The following TOX variants were observed in gnomAD, a reference collection of about 807,000 sequenced individuals.
The protein encoded by TOX is thymocyte selection-associated high mobility group box protein TOX.
Under a neutral mutation model 53.7 loss-of-function variants are expected in TOX, and 11 were observed. That is an observed-to-expected ratio of 0.20 (90% confidence interval 0.13 to 0.34). The LOEUF (loss-of-function observed/expected upper bound fraction) is 0.34. TOX is among the 10% of genes least tolerant of loss of function. The pLI is 1.00. For missense variants in TOX, 570 were observed against 664.6 expected, an observed-to-expected ratio of 0.86 and a Z score of 1.56; for synonymous variants, 225 against 245.3, an observed-to-expected ratio of 0.92 and a Z score of 0.77.
At chr8:59,018,520 G>T (rs1251049206) in intron 1 of TOX, among the ~76,000 whole-genome samples, 1 of 152,178 alleles carries the variant, frequency 6.6e-6, no homozygotes, top group African/African-American at 2.4e-5. Flanking sequence ...GGACATGCAA[G>T]GTTAAACAAG....
At chr8:58,935,509 T>C (rs1812329523) in intron 3 of TOX, among the ~76,000 whole-genome samples, 1 of 152,166 alleles carries the variant, frequency 6.6e-6, no homozygotes. Flanking sequence ...CACAGCAAAA[T>C]CAATATTTAG....
At chr8:59,098,996 G>A (rs965088698) in intron 1 of TOX, among the ~76,000 whole-genome samples, 9 of 152,118 alleles carry the variant, frequency 5.9e-5, no homozygotes, top group African/African-American at 9.7e-5. Context: ...GTCTACTCTC[G>A]ATTAAATTTC....
At position 59,010,482 on chromosome 8, in the gene TOX, A is replaced by G. The variant is rs142091467; in HGVS notation, c.103-50474T>C. On this transcript the variant is annotated intron_variant, in intron 1 of 8. Coordinates refer to ENST00000361421, the MANE Select transcript of TOX (RefSeq NM_014729.3). ...AACGAAAATTGAAATGCAAAATGGC[A>G]AAGGTCTTATTTAGTTACCTCTCTG... 7.8e-3 allele frequency among the ~76,000 whole-genome samples: 1,190 copies of G among 152,328 alleles called. 14 individuals are homozygous for G. The highest frequency in any genetic ancestry group is 1.0e-2 in the Non-Finnish European group (678 of 68,032).
rs138510352 is a variant in TOX at position 58,921,783 on chromosome 8, T to C, written c.411+17519A>G. On this transcript the variant is annotated intron_variant, in intron 3 of 8. Coordinates refer to ENST00000361421, the MANE Select transcript of TOX (RefSeq NM_014729.3). The stretch of plus-strand genomic sequence containing the variant: ...TTTCATTATTAAAGTACTTCCTAAA[T>C]AGCTGTTGGACTCAAAATCTCTGAA... 2.3e-3 allele frequency among the ~76,000 whole-genome samples: 352 copies of C among 152,362 alleles called. 1 individual carries two copies. Among genetic ancestry groups the C allele is most frequent in the Non-Finnish European group, 3.9e-3 (262 of 68,032 alleles).
At chr8:59,018,788 T>C (rs1011816265) in intron 1 of TOX, among the ~76,000 whole-genome samples, 2 of 152,122 alleles carry the variant, frequency 1.3e-5, no homozygotes, top group African/African-American at 4.8e-5. Context: ...GTTAATGCCT[T>C]TCTTGCTGAT....
At chr8:58,937,534 A>C (rs1419386325) in intron 3 of TOX, among the ~76,000 whole-genome samples, 2 of 152,200 alleles carry the variant, frequency 1.3e-5, no homozygotes, top group African/African-American at 4.8e-5. Flanking sequence ...ATCTGGAAAA[A>C]ATCTCTGAGC....
chr8:58,879,075 A>C (rs1811338356), intron 3 of TOX, among the ~76,000 whole-genome samples: 1 of 150,758 alleles, frequency 6.6e-6, no homozygotes, highest in African/African-American at 2.5e-5. Flanking sequence ...AAAAAAAAAC[A>C]AAAAAACTCA....
chr8:58,848,435 C>T lies in TOX; in HGVS notation c.693+3089G>A, dbSNP rs73243062. On this transcript the variant is annotated intron_variant, in intron 4 of 8. Coordinates refer to ENST00000361421, the MANE Select transcript of TOX (RefSeq NM_014729.3). ...TAAAGATTTCATTTTAAAGTAAAAG[C>T]TCATTTAACTACACGAAATTTATAA... Among the ~76,000 whole-genome samples, 875 of 152,100 alleles carry T rather than the reference C, an allele frequency of 5.8e-3. 11 individuals carry two copies. Among genetic ancestry groups the T allele is most frequent in the African/African-American group, 0.02 (833 of 41,508 alleles).
At chr8:59,013,124 C>T (rs1813940662) in intron 1 of TOX, among the ~76,000 whole-genome samples, 2 of 152,118 alleles carry the variant, frequency 1.3e-5, no homozygotes, top group Admixed American at 6.6e-5. Context: ...TTTCTCAATT[C>T]TTGGATTTCC....
chr8:58,826,700 T>C (rs932035243), intron 6 of TOX, 122 bp downstream of exon 6: 1 of 845,510 alleles, frequency 1.2e-6, no homozygotes, highest in Non-Finnish European at 1.7e-6. Flanking sequence ...TAATTTACTT[T>C]TTTTTCCAAC....
At chr8:59,062,918 T>C (rs949257880) in intron 1 of TOX, among the ~76,000 whole-genome samples, 32 of 152,238 alleles carry the variant, frequency 2.1e-4, no homozygotes, top group African/African-American at 7.5e-4. Context: ...TTAACTTCTG[T>C]AAATGATTTA....
At chr8:58,988,631 A>C (rs1813382560) in intron 1 of TOX, among the ~76,000 whole-genome samples, 1 of 152,252 alleles carries the variant, frequency 6.6e-6, no homozygotes, top group Non-Finnish European at 1.5e-5. Context: ...TTATTCTGAT[A>C]AAATGGGCTC....
chr8:59,102,771 C>T (rs1804828036), intron 1 of TOX, among the ~76,000 whole-genome samples: 2 of 152,064 alleles, frequency 1.3e-5, no homozygotes, highest in Admixed American at 6.6e-5. Context: ...CAAATTATGT[C>T]TGCCTGTGGT....
chr8:58,926,848 G>A (rs1208951356), intron 3 of TOX, among the ~76,000 whole-genome samples: 1 of 150,742 alleles, frequency 6.6e-6, no homozygotes, highest in South Asian at 2.1e-4. Flanking sequence ...CGCTAACGCT[G>A]TCTTCCTTGC....
chr8:59,109,156 T>C (rs1031847222), intron 1 of TOX, among the ~76,000 whole-genome samples: 2 of 152,170 alleles, frequency 1.3e-5, no homozygotes, highest in Admixed American at 1.3e-4. Flanking sequence ...GAAAAGTTGT[T>C]TTTCTTCTAA....
intron 1 of TOX, among the ~76,000 whole-genome samples, chr8:59,006,065 G>A (rs1219262712): frequency 6.6e-6 from 1 of 152,176 alleles, no homozygotes; most frequent in Non-Finnish European, 1.5e-5. Flanking sequence ...TTAAGGATAG[G>A]TTTTATATAG....
rs576417690 is a variant in TOX, at chr8:58,943,524, C to T, written c.169-3980G>A. On this transcript the variant is annotated intron_variant, in intron 2 of 8. Coordinates refer to ENST00000361421, the MANE Select transcript of TOX (RefSeq NM_014729.3). ...GCCTGGAGTTTACAGATCATTCATT[C>T]TCCAACTCTCTTGGGAACAAAGATC... Among the ~76,000 whole-genome samples the T allele has an allele frequency of 2.0e-5, 3 of 151,870 alleles. No individual in the cohort carries two copies. The South Asian group carries it at 6.2e-4, about 32-fold the overall frequency.
At chr8:58,967,280 C>T (rs191172612) in intron 1 of TOX, among the ~76,000 whole-genome samples, 139 of 152,252 alleles carry the variant, frequency 9.1e-4, no homozygotes, top group African/African-American at 2.9e-3. Flanking sequence ...TTTGGAGGCC[C>T]TCTCTAATTT....
At chr8:58,872,706 T>C (rs532811685) in intron 3 of TOX, among the ~76,000 whole-genome samples, 1 of 152,250 alleles carries the variant, frequency 6.6e-6, no homozygotes, top group African/African-American at 2.4e-5. Context: ...TCAAAATTGC[T>C]GAGGTCATCA....
Sources: allele counts gnomAD v4.1 joint callset (sites outside exome capture counted in the v4.1 genomes callset), GRCh38; gene constraint gnomAD v4.1.1; transcripts MANE v1.5; gene names NCBI Gene and HGNC (gene_info 2026-07-23, HGNC 2026-07-21).